The following SCN2A variants were observed in gnomAD, a reference collection of about 807,000 sequenced individuals.
The protein encoded by SCN2A is sodium channel protein type 2 subunit alpha.
In SCN2A, 20 loss-of-function variants were observed where a neutral mutation model predicts 188.7. The ratio of observed to expected loss-of-function variants is 0.11; its 90% CI spans 0.07 to 0.15. The LOEUF (loss-of-function observed/expected upper bound fraction) is 0.15. SCN2A is among the 10% of genes least tolerant of loss of function. The pLI is 1.00. For synonymous variants in SCN2A, 804 were observed against 833.1 expected (o/e 0.97, Z 0.60); for missense variants, 1,278 against 2,445.0 (o/e 0.52, Z 10.07).
At chr2:165,287,312 T>G (rs932763529) in intron 1 of SCN2A, among the ~76,000 whole-genome samples, 1 of 152,158 alleles carries the variant, frequency 6.6e-6, no homozygotes, top group Admixed American at 6.5e-5. Context: ...CTGCCAGCAC[T>G]TGGGAGGGGC....
Position 165,365,179 on chromosome 2 carries a change from G to T in SCN2A, c.3436G>T (p.Val1146Phe). The change falls in exon 18 of 27, where the codon GTT becomes TTT. Residue 1146 changes from valine to phenylalanine, a missense_variant. Transcript: ENST00000375437. ...NATSSSEGST[V>F]DIGAPAEGEQ... ...AACTAGTTCATCTGAAGGCAGCACG[G>T]TTGATATTGGAGCTCCCGCCGAGGG... 1 of 1,613,826 alleles carries T rather than the reference G, an allele frequency of 6.2e-7. No individual in the cohort carries two copies.
At position 165,259,160 on chromosome 2, in the gene SCN2A, T is replaced by C. The variant is rs114662557; in HGVS notation, c.-52+19520T>C. 9.4e-3 allele frequency among the ~76,000 whole-genome samples: 1,432 copies of C among 152,314 alleles called. 19 individuals carry two copies. The highest frequency in any genetic ancestry group is 0.033 in the African/African-American group (1,361 of 41,560). On this transcript the variant is annotated intron_variant, in intron 1 of 26. Transcript: ENST00000375437. ...AATAGAATTACATCTGAAAAAGCAA[T>C]GTACATACCTTAATTTAAAAATATT...
chr2:165,350,380 T>A (rs1409777907), intron 16 of SCN2A, among the ~76,000 whole-genome samples: 1 of 151,866 alleles, frequency 6.6e-6, no homozygotes, highest in African/African-American at 2.4e-5. Flanking sequence ...AAGAAAGAGT[T>A]GATTTCATTT....
chr2:165,257,110 G>A lies in SCN2A; in HGVS notation c.-52+17470G>A, dbSNP rs150211540. On this transcript the variant is annotated intron_variant, in intron 1 of 26. Transcript: ENST00000375437. ...ACTGACGCATCATTTCCTGAATTTA[G>A]TTGCGTTCAAGGGTAGTGGTATTCC... 3.4e-3 allele frequency among the ~76,000 whole-genome samples: 525 copies of A among 152,282 alleles called. 2 individuals are homozygous for A. The highest frequency in any genetic ancestry group is 0.012 in the African/African-American group (495 of 41,554).
chr2:165,331,895 G>C (rs993966986), intron 14 of SCN2A, among the ~76,000 whole-genome samples: 2 of 152,008 alleles, frequency 1.3e-5, no homozygotes, highest in African/African-American at 2.4e-5. Flanking sequence ...GGACATGTCT[G>C]TGTTTACTAA....
intron 14 of SCN2A, among the ~76,000 whole-genome samples, chr2:165,336,636 T>C (rs187183925): frequency 2.0e-5 from 3 of 151,996 alleles, no homozygotes; most frequent in Admixed American, 6.6e-5. Context: ...TTTAAGGCGA[T>C]GAAAATGTTC....
intron 17 of SCN2A, among the ~76,000 whole-genome samples, chr2:165,361,271 A>T (rs1385426386): frequency 2.0e-5 from 3 of 152,010 alleles, no homozygotes; most frequent in Admixed American, 6.6e-5. Context: ...TCTACATTAA[A>T]ATATGTTAAC....
intron 1 of SCN2A, among the ~76,000 whole-genome samples, chr2:165,282,524 G>A (rs566576082): frequency 3.1e-4 from 47 of 152,256 alleles, no homozygotes; most frequent in Non-Finnish European, 5.7e-4. Context: ...GCATAAATAA[G>A]AAAAAAGCTA....
At position 165,244,095 on chromosome 2, in the gene SCN2A, G is replaced by A. The variant is rs138619096; in HGVS notation, c.-52+4455G>A. Among the ~76,000 whole-genome samples, 18 of 151,874 alleles carry A rather than the reference G, an allele frequency of 1.2e-4. No individual in the cohort carries two copies. The East Asian group carries it at 3.5e-3, about 30-fold the overall frequency. On this transcript the variant is annotated intron_variant, in intron 1 of 26. Coordinates refer to ENST00000375437, the MANE Select transcript of SCN2A (RefSeq NM_001040142.2). The stretch of plus-strand genomic sequence containing the variant: ...TGTCTCTAGTAAAAATACAAAAATT[G>A]GCCAGGTGTGGTGGCTGACGCCTGT...
chr2:165,361,808 C>T (rs1446755257), intron 17 of SCN2A, among the ~76,000 whole-genome samples: 2 of 151,976 alleles, frequency 1.3e-5, no homozygotes, highest in Non-Finnish European at 2.9e-5. Flanking sequence ...TAATAGTTTT[C>T]CTGACTCCAC....
chr2:165,337,629 A>G (rs1341687377), intron 14 of SCN2A, among the ~76,000 whole-genome samples: 5 of 152,182 alleles, frequency 3.3e-5, no homozygotes, highest in Non-Finnish European at 7.4e-5. Flanking sequence ...CTTACCAGAA[A>G]TAATTCAGGC....
intron 1 of SCN2A, among the ~76,000 whole-genome samples, chr2:165,274,960 T>C (rs2106111199): frequency 6.6e-6 from 1 of 152,318 alleles, no homozygotes; most frequent in African/African-American, 2.4e-5. Context: ...CGGGTCTGGC[T>C]TGGGCTCTGA....
At position 165,354,319 on chromosome 2, in the gene SCN2A, T is replaced by G; in HGVS notation, c.3047T>G (p.Phe1016Cys). ...GGAAGGATGCAGAAAGGAATCGATT[T>G]TGTTAAAAGAAAAATACGTGAATTT... ...AVGRMQKGIDFVKRKIREFIQ... is the reference protein window; with the variant it reads ...AVGRMQKGIDCVKRKIREFIQ... The change falls in exon 17 of 27, where the codon TTT (phenylalanine) becomes TGT (cysteine). Residue 1016 changes from phenylalanine (F) to cysteine (C), a missense_variant. Around this residue, in one of 17 missense-constraint regions of SCN2A, gnomAD observed 228 missense variants for 297.3 expected, o/e 0.77. Coordinates refer to ENST00000375437, the MANE Select transcript of SCN2A (RefSeq NM_001040142.2). The G allele has an allele frequency of 2.5e-6, 4 of 1,614,112 alleles. No individual in the cohort carries two copies. Among genetic ancestry groups the G allele is most frequent in the Non-Finnish European group, 3.4e-6 (4 of 1,179,994 alleles).
intron 1 of SCN2A, among the ~76,000 whole-genome samples, chr2:165,255,426 ATTCACG>A (rs955388355): frequency 6.6e-4 from 100 of 152,250 alleles, no homozygotes; most frequent in African/African-American, 2.2e-3. Flanking sequence ...ATGATTTGGT[ATTCACG>A]TTAATTTAAA....
intron 19 of SCN2A, among the ~76,000 whole-genome samples, chr2:165,369,808 T>A (rs1315075153): frequency 1.3e-5 from 2 of 152,172 alleles, no homozygotes; most frequent in African/African-American, 4.8e-5. Context: ...CTGCACTGAA[T>A]GAGACCAATC....
chr2:165,257,535 T>C (rs979776079), intron 1 of SCN2A, among the ~76,000 whole-genome samples: 4 of 152,096 alleles, frequency 2.6e-5, no homozygotes, highest in African/African-American at 9.7e-5. Context: ...TTGTTGTTGT[T>C]GTTCTTGTTG....
chr2:165,348,094 C>T (rs529341341), intron 16 of SCN2A, among the ~76,000 whole-genome samples: 11 of 152,258 alleles, frequency 7.2e-5, no homozygotes, highest in Non-Finnish European at 1.2e-4. Context: ...CTCAGTGGCT[C>T]ACGCCTGTAA....
At chr2:165,286,953 T>C (rs1266729282) in intron 1 of SCN2A, among the ~76,000 whole-genome samples, 2 of 152,184 alleles carry the variant, frequency 1.3e-5, no homozygotes, top group African/African-American at 4.8e-5. Flanking sequence ...AGTTTTACAT[T>C]TAACATGTCA....
At chr2:165,370,591 T>C in intron 20 of SCN2A, 1 of 339,418 alleles carries the variant, frequency 2.9e-6, no homozygotes, top group Non-Finnish European at 5.5e-6. Flanking sequence ...ATTTTGCTTT[T>C]TGCACACTCA....
Sources: allele counts gnomAD v4.1 joint callset (sites outside exome capture counted in the v4.1 genomes callset), GRCh38; gene constraint gnomAD v4.1.1; regional missense constraint gnomAD v4.1.1; transcripts MANE v1.5; gene names NCBI Gene and HGNC (gene_info 2026-07-23, HGNC 2026-07-21).